TRAF2: variants seen among roughly 807,000 people sequenced by gnomAD.
TRAF2 encodes the protein TNF receptor associated factor 2.
In TRAF2, 6 loss-of-function variants were observed where a neutral mutation model predicts 55.6. The observed-to-expected ratio is 0.11, with a 90% CI of 0.06 to 0.21. The LOEUF is 0.21. TRAF2 is among the 10% of genes least tolerant of loss of function. TRAF2 has a pLI of 1.00. For synonymous variants in TRAF2, 329 were observed against 276.3 expected (o/e 1.19, Z -1.89); for missense variants, 561 against 684.5 (o/e 0.82, Z 2.01).
chr9:136,925,679 C>T lies in TRAF2; in HGVS notation c.1288-4C>T. Reference sequence around the variant, plus strand: ...TGTCCCCTCCCTGGGGCTCTCTCCTCCAGGTGACCTTAATGCTGCTCGACC... The same window carrying T: ...TGTCCCCTCCCTGGGGCTCTCTCCTTCAGGTGACCTTAATGCTGCTCGACC... On this transcript the variant is annotated splice_region_variant and splice_polypyrimidine_tract_variant and intron_variant, in intron 10 of 10. Transcript: ENST00000247668. 1 of 1,613,908 alleles carries T rather than the reference C, an allele frequency of 6.2e-7. No homozygotes were observed. The highest frequency in any genetic ancestry group is 8.5e-7 in the Non-Finnish European group (1 of 1,179,994).
chr9:136,921,988 C>T (rs2131332710), intron 9 of TRAF2, among the ~76,000 whole-genome samples: 1 of 152,334 alleles, frequency 6.6e-6, no homozygotes, highest in South Asian at 2.1e-4. Flanking sequence ...TATTTTTAGG[C>T]TGAGTTGGTG....
intron 1 of TRAF2, among the ~76,000 whole-genome samples, chr9:136,890,151 G>A (rs1054596144): frequency 1.4e-5 from 2 of 141,436 alleles, no homozygotes; most frequent in East Asian, 2.1e-4. Context: ...GCCGGTCACC[G>A]TGTGTGTGAG....
At chr9:136,886,139 G>C (rs1429283243), upstream of TRAF2, 1 of 152,888 alleles carries the variant, frequency 6.5e-6, no homozygotes, top group Non-Finnish European at 1.5e-5. Context: ...GGGGCCACGG[G>C]AGGGGAAGCA....
At chr9:136,894,149 C>T (rs1222053707) in intron 1 of TRAF2, among the ~76,000 whole-genome samples, 3 of 148,706 alleles carry the variant, frequency 2.0e-5, no homozygotes. Flanking sequence ...TGGGTTCAAG[C>T]AATTCTCCTG....
At chr9:136,900,370 G>T in intron 3 of TRAF2, 52 bp from the exon 4 acceptor site, 2 of 1,355,314 alleles carry the variant, frequency 1.5e-6, no homozygotes, top group Non-Finnish European at 2.0e-6. Context: ...TTCCTTGGTT[G>T]CTGCAGGGAG....
At chr9:136,885,048 C>T (rs1323453370), upstream of TRAF2, among the ~76,000 whole-genome samples, 3 of 152,186 alleles carry the variant, frequency 2.0e-5, no homozygotes, top group East Asian at 5.8e-4. Context: ...GGGGTGATGA[C>T]GTTGATGGAA....
chr9:136,895,199 C>T (rs1365491436), intron 1 of TRAF2, among the ~76,000 whole-genome samples: 3 of 152,202 alleles, frequency 2.0e-5, no homozygotes, highest in African/African-American at 7.2e-5. Flanking sequence ...GTGAGCAGCT[C>T]TGGGGCCGGG....
upstream of TRAF2, chr9:136,882,730 C>G (rs1849389133): frequency 1.0e-6 from 1 of 985,588 alleles, no homozygotes; most frequent in Non-Finnish European, 1.2e-6. Context: ...CCCTTTCCAG[C>G]CAGCAAACAA....
chr9:136,922,923 G>A lies in TRAF2; in HGVS notation c.1139-929G>A, dbSNP rs1310047838. 4.1e-5 allele frequency among the ~76,000 whole-genome samples: 6 copies of A among 144,616 alleles called. No individual in the cohort carries two copies. The East Asian group carries it at 6.3e-4, about 15-fold the overall frequency. The allele number at this position is 144,616 out of a possible 152,430, so 94.9% of individuals were successfully genotyped here. A position where few individuals can be genotyped will look rare whatever the true frequency, so the allele number is the denominator to read the frequency against. ...AGGGAGGATGGGCTTGGGGGCACGC[G>A]GTGGAGGACGAGGATGGGGAGGATG... On this transcript the variant is annotated intron_variant, in intron 9 of 10. Transcript: ENST00000247668.
intron 6 of TRAF2, among the ~76,000 whole-genome samples, chr9:136,910,989 G>A (rs1277831278): frequency 1.3e-5 from 2 of 152,240 alleles, no homozygotes; most frequent in Non-Finnish European, 2.9e-5. Flanking sequence ...CCTGCCTGGG[G>A]CCCGTGTCTG....
rs368740776 is a variant in TRAF2, at chr9:136,924,402, AAAT to A, written c.1287+404_1287+406del. The stretch of plus-strand genomic sequence containing the variant: ...TAGTGAGAACCCATGTCTACAAAAA[AAAT>A]AGAAAAATTAGCCGGGCATGGTGGT... On this transcript the variant is annotated intron_variant, in intron 10 of 10. Transcript: ENST00000247668. Among the ~76,000 whole-genome samples, 169 of 151,534 alleles carry A rather than the reference AAAT, an allele frequency of 1.1e-3. 2 individuals carry two copies. The highest frequency in any genetic ancestry group is 3.9e-3 in the African/African-American group (161 of 41,144).
intron 1 of TRAF2, among the ~76,000 whole-genome samples, chr9:136,897,612 A>G (rs1849711021): frequency 7.1e-6 from 1 of 140,494 alleles, no homozygotes; most frequent in African/African-American, 2.7e-5. Context: ...AACCCGTGGT[A>G]GCTAAAGGGA....
At chr9:136,914,658 C>G (rs1195814992) in intron 6 of TRAF2, among the ~76,000 whole-genome samples, 2 of 152,190 alleles carry the variant, frequency 1.3e-5, no homozygotes. Flanking sequence ...AGTCGTGGTT[C>G]CTGTTGACAT....
At chr9:136,919,122 A>G (rs922822831) in intron 7 of TRAF2, among the ~76,000 whole-genome samples, 3 of 150,116 alleles carry the variant, frequency 2.0e-5, no homozygotes, top group Admixed American at 1.3e-4. Context: ...GTGCAGTGGC[A>G]CCATCTCAGC....
upstream of TRAF2, chr9:136,882,008 G>A (rs781691667): frequency 1.6e-5 from 16 of 985,210 alleles, no homozygotes; most frequent in Non-Finnish European, 1.9e-5. Flanking sequence ...CTCTCGGTGT[G>A]AGCAAGTGGA....
chr9:136,883,657 C>T (rs1849399537), upstream of TRAF2, among the ~76,000 whole-genome samples: 1 of 151,922 alleles, frequency 6.6e-6, no homozygotes. Flanking sequence ...ATTGGGATTA[C>T]AGGCATCTGC....
chr9:136,887,584 G>A (rs985922256), intron 1 of TRAF2, among the ~76,000 whole-genome samples: 9 of 152,166 alleles, frequency 5.9e-5, no homozygotes, highest in Admixed American at 3.3e-4. Context: ...CAAGTCAAGG[G>A]AAACTAGGAC....
chr9:136,912,021 G>A (rs1244460543), intron 6 of TRAF2, among the ~76,000 whole-genome samples: 2 of 150,666 alleles, frequency 1.3e-5, no homozygotes, highest in African/African-American at 4.9e-5. Context: ...GGCTAATTTT[G>A]TTTTTGTATT....
chr9:136,903,693 GT>G (rs955806630), intron 4 of TRAF2, among the ~76,000 whole-genome samples: 2 of 151,756 alleles, frequency 1.3e-5, no homozygotes, highest in African/African-American at 4.8e-5. Context: ...TTTGTTTGTT[GT>G]TTTTTGCGAT....
Sources: gnomAD v4.1 joint callset for allele counts (sites outside exome capture counted in the v4.1 genomes callset) on GRCh38, gnomAD v4.1.1 for gene constraint, MANE v1.5 for transcripts, NCBI Gene and HGNC (gene_info 2026-07-23, HGNC 2026-07-21) for gene names.